The following DACH2 variants were observed in gnomAD, a reference collection of about 807,000 sequenced individuals.
DACH2 encodes dachshund family transcription factor 2.
In DACH2, 17 loss-of-function variants were observed where a neutral mutation model predicts 35.8. That is an observed-to-expected ratio of 0.48 (90% confidence interval 0.33 to 0.71). The LOEUF (loss-of-function observed/expected upper bound fraction) is 0.71, where lower values mean the gene tolerates loss of function less well. Ranked by LOEUF, DACH2 falls within the 30% of genes least tolerant of loss-of-function variation. The pLI, the probability that DACH2 is intolerant of heterozygous loss-of-function variation, is 0.02. For missense variants in DACH2, 469 were observed against 472.7 expected (o/e 0.99, Z 0.07); for synonymous variants, 195 against 177.3 (o/e 1.10, Z -0.79).
chrX:86,210,440 T>C (rs1007178437), intron 1 of DACH2, among the ~76,000 whole-genome samples: 1 of 111,658 alleles, frequency 9.0e-6, no homozygotes, highest in Admixed American at 9.6e-5. Flanking sequence ...TTTAACCTTG[T>C]GAGAGTTTAA....
At chrX:86,167,445 C>T (rs1230246869) in intron 1 of DACH2, among the ~76,000 whole-genome samples, 2 of 110,414 alleles carry the variant, frequency 1.8e-5, no homozygotes, top group Non-Finnish European at 3.8e-5. Context: ...GATTTTCTCT[C>T]TTTTTTTCTT....
intron 1 of DACH2, among the ~76,000 whole-genome samples, chrX:86,285,086 T>C (rs147440288): frequency 0.042 from 4,660 of 111,786 alleles, 128 homozygotes; most frequent in Middle Eastern, 0.075. Context: ...TTTGATCAGC[T>C]AGTCTGGCTT....
intron 1 of DACH2, among the ~76,000 whole-genome samples, chrX:86,350,217 G>A (rs769708797): frequency 0.022 from 366 of 16,605 alleles, 124 homozygotes; most frequent in Non-Finnish European, 0.032. Flanking sequence ...TTTTGATGGG[G>A]TTGTTTGTTT....
chrX:86,658,245 C>T (rs2040565514), intron 4 of DACH2, among the ~76,000 whole-genome samples: 1 of 111,292 alleles, frequency 9.0e-6, no homozygotes, highest in Non-Finnish European at 1.9e-5. Context: ...TACTGGAAGG[C>T]TGTATTTAGT....
At chrX:86,603,434 C>T (rs759938469) in intron 3 of DACH2, among the ~76,000 whole-genome samples, 2 of 109,961 alleles carry the variant, frequency 1.8e-5, no homozygotes, top group Non-Finnish European at 3.8e-5. Flanking sequence ...CATTCACCCC[C>T]ATTCCAACAT....
intron 6 of DACH2, among the ~76,000 whole-genome samples, chrX:86,715,981 T>C (rs2041331294): frequency 8.9e-6 from 1 of 111,859 alleles, no homozygotes; most frequent in Admixed American, 9.5e-5. Context: ...TGGAGCCTTC[T>C]AAAGCACTGA....
chrX:86,792,061 T>C (rs1337716003), intron 7 of DACH2, among the ~76,000 whole-genome samples: 2 of 111,833 alleles, frequency 1.8e-5, no homozygotes, highest in African/African-American at 6.5e-5. Flanking sequence ...CTTTGCTTTC[T>C]TCAAAAGGGT....
At chrX:86,754,259 TA>T (rs2041804946) in intron 7 of DACH2, among the ~76,000 whole-genome samples, 2 of 109,787 alleles carry the variant, frequency 1.8e-5, no homozygotes, top group African/African-American at 6.6e-5. Flanking sequence ...AACTGAAAAA[TA>T]AATATGAAAA....
intron 2 of DACH2, among the ~76,000 whole-genome samples, chrX:86,377,831 C>A (rs2035991473): frequency 9.1e-6 from 1 of 110,228 alleles, no homozygotes; most frequent in African/African-American, 3.3e-5. Flanking sequence ...GGTGGTGTTT[C>A]TAGTATCTGT....
intron 5 of DACH2, among the ~76,000 whole-genome samples, chrX:86,705,926 A>T (rs779584782): frequency 9.8e-5 from 11 of 112,199 alleles, no homozygotes; most frequent in Non-Finnish European, 2.1e-4. Flanking sequence ...AAAAGAATAA[A>T]TTAATATCTT....
At position 86,663,312 on chromosome X, in the gene DACH2, A is replaced by G. The variant is rs959217734; in HGVS notation, c.772+12145A>G. 2.7e-5 allele frequency among the ~76,000 whole-genome samples: 3 copies of G among 112,223 alleles called. No individual in the cohort carries two copies. In the South Asian group the frequency reaches 1.1e-3, roughly 41 times the overall value. On this transcript the variant is annotated intron_variant, in intron 4 of 11. Transcript: ENST00000373125. ...TTAGATATAATTAATGAAGTAACAT[A>G]AGACACTTTCTCAGAGCTAACCTTA...
At chrX:86,185,611 T>C (rs866210174) in intron 1 of DACH2, among the ~76,000 whole-genome samples, 15 of 111,886 alleles carry the variant, frequency 1.3e-4, no homozygotes, top group Non-Finnish European at 2.3e-4. Context: ...TAGTGATTTT[T>C]CTGTCTTTTT....
At chrX:86,748,427 A>G (rs1478928632) in intron 7 of DACH2, among the ~76,000 whole-genome samples, 1 of 112,183 alleles carries the variant, frequency 8.9e-6, no homozygotes, top group Admixed American at 9.5e-5. Context: ...ATAGCTGCAG[A>G]ATGTATGTTG....
At chrX:86,455,761 C>T (rs1484539347) in intron 2 of DACH2, among the ~76,000 whole-genome samples, 5 of 112,370 alleles carry the variant, frequency 4.4e-5, no homozygotes, top group East Asian at 2.8e-4. Context: ...TCCAAGCCAG[C>T]GGATCTTAAC....
chrX:86,618,510 C>T (rs1390561030), intron 3 of DACH2, among the ~76,000 whole-genome samples: 1 of 111,518 alleles, frequency 9.0e-6, no homozygotes, highest in African/African-American at 3.3e-5. Flanking sequence ...GACTTATCGA[C>T]ATAATCTAAG....
At chrX:86,394,807 A>G (rs951165190) in intron 2 of DACH2, among the ~76,000 whole-genome samples, 31 of 112,007 alleles carry the variant, frequency 2.8e-4, no homozygotes, top group African/African-American at 9.1e-4. Flanking sequence ...TTTAGGAAAT[A>G]TAGCCCAGGG....
chrX:86,233,418 C>A (rs918212192), intron 1 of DACH2, among the ~76,000 whole-genome samples: 2 of 112,279 alleles, frequency 1.8e-5, no homozygotes, highest in African/African-American at 6.5e-5. Flanking sequence ...TTAACACCAA[C>A]TAGTTGATGT....
chrX:86,692,151 G>A (rs748784027), intron 4 of DACH2, among the ~76,000 whole-genome samples: 26 of 111,646 alleles, frequency 2.3e-4, no homozygotes, highest in African/African-American at 8.1e-4. Context: ...TACAGTTGCC[G>A]TTACATTGCA....
chrX:86,371,300 CTT>C (rs1266765083), intron 1 of DACH2, among the ~76,000 whole-genome samples: 1 of 110,892 alleles, frequency 9.0e-6, no homozygotes, highest in Admixed American at 9.7e-5. Context: ...TGTTTTTCCT[CTT>C]GACTCTGACT....
Sources: allele counts gnomAD v4.1 joint callset (sites outside exome capture counted in the v4.1 genomes callset), GRCh38; gene constraint gnomAD v4.1.1; transcripts MANE v1.5; gene names NCBI Gene and HGNC (gene_info 2026-07-23, HGNC 2026-07-21).